Variants in CDK19 observed in about 807,000 individuals in gnomAD.
The protein encoded by CDK19 is cyclin-dependent kinase 19.
In CDK19, 20 loss-of-function variants were observed where a neutral mutation model predicts 68.3. That is an observed-to-expected ratio of 0.29 (90% CI 0.21 to 0.43). CDK19 has a LOEUF of 0.43. Ranked by LOEUF, CDK19 falls within the 20% of genes least tolerant of loss-of-function variation. The pLI is 1.00. For missense variants in CDK19, 339 were observed against 623.5 expected, an observed-to-expected ratio of 0.54 and a Z score of 4.86; for synonymous variants, 221 against 222.8, an observed-to-expected ratio of 0.99 and a Z score of 0.07.
intron 2 of CDK19, among the ~76,000 whole-genome samples, chr6:110,672,445 C>T (rs1282182856): frequency 6.6e-6 from 1 of 152,164 alleles, no homozygotes; most frequent in Non-Finnish European, 1.5e-5. Context: ...GTTGATCCCA[C>T]TAGAATAAAT....
At chr6:110,660,430 G>A (rs1781548543) in intron 4 of CDK19, among the ~76,000 whole-genome samples, 1 of 152,204 alleles carries the variant, frequency 6.6e-6, no homozygotes, top group South Asian at 2.1e-4. Context: ...GCCATCTGTA[G>A]ACAGCTTAAG....
chr6:110,652,005 T>C (rs956769181), intron 4 of CDK19, among the ~76,000 whole-genome samples: 4 of 151,872 alleles, frequency 2.6e-5, no homozygotes, highest in African/African-American at 9.7e-5. Context: ...ACCCAGGACA[T>C]GGAGGTTGCA....
chr6:110,628,467 GA>G (rs1779229867), intron 6 of CDK19, among the ~76,000 whole-genome samples: 1 of 152,188 alleles, frequency 6.6e-6, no homozygotes. Context: ...GCAGTGTGAT[GA>G]AATCTCATGC....
At chr6:110,693,073 G>A (rs1364166101) in intron 2 of CDK19, among the ~76,000 whole-genome samples, 1 of 152,084 alleles carries the variant, frequency 6.6e-6, no homozygotes, top group Non-Finnish European at 1.5e-5. Flanking sequence ...GCAAAAGTGA[G>A]CAAAAGCGTT....
chr6:110,812,785 T>C (rs978196873), intron 1 of CDK19, among the ~76,000 whole-genome samples: 2 of 145,126 alleles, frequency 1.4e-5, no homozygotes, highest in Non-Finnish European at 3.0e-5. Context: ...TCCTTTACTA[T>C]GCAAATCTGC....
intron 1 of CDK19, among the ~76,000 whole-genome samples, chr6:110,779,093 G>A (rs1269819873): frequency 2.0e-5 from 3 of 152,130 alleles, no homozygotes; most frequent in African/African-American, 7.2e-5. Flanking sequence ...CTGTATCAGT[G>A]ATCTTTCTAA....
At chr6:110,735,353 A>G (rs1424942448) in intron 2 of CDK19, among the ~76,000 whole-genome samples, 1 of 152,176 alleles carries the variant, frequency 6.6e-6, no homozygotes, top group African/African-American at 2.4e-5. Flanking sequence ...CTCCCTTATA[A>G]TGTTACTAAT....
rs903812979 is a variant in CDK19, at chr6:110,611,047, C to A, written c.*3488G>T. ...AATTCTAAGTACTAAAGTTTCAAAA[C>A]CACAGAGATATAAAAATATACATAA... On this transcript the variant is annotated 3_prime_UTR_variant, in exon 13 of 13. Transcript: ENST00000368911. 6 of 152,174 alleles carry A rather than the reference C, an allele frequency of 3.9e-5. No individual in the cohort carries two copies. The highest frequency in any genetic ancestry group is 1.4e-4 in the African/African-American group (6 of 41,442). 9.4% of individuals were successfully genotyped at this position (152,174 alleles called of 1,614,324 possible).
intron 4 of CDK19, among the ~76,000 whole-genome samples, chr6:110,652,505 T>A (rs935896386): frequency 2.0e-5 from 3 of 152,250 alleles, no homozygotes; most frequent in Non-Finnish European, 2.9e-5. Context: ...TCTTATTTTT[T>A]AATTATTTTT....
At chr6:110,637,958 G>C (rs1267989671) in intron 5 of CDK19, among the ~76,000 whole-genome samples, 3 of 152,194 alleles carry the variant, frequency 2.0e-5, no homozygotes, top group African/African-American at 7.2e-5. Flanking sequence ...ACTCCAGCCT[G>C]GGCAACAGAG....
intron 5 of CDK19, among the ~76,000 whole-genome samples, chr6:110,637,775 T>C (rs1209042322): frequency 6.6e-6 from 1 of 151,986 alleles, no homozygotes; most frequent in Non-Finnish European, 1.5e-5. Context: ...AGGTCAGGAG[T>C]TCGAGACCAG....
Position 110,638,712 on chromosome 6 carries a change from A to G in CDK19, c.457-6T>C. ...ACTAGGATATTTGCTGGTTTCTAGAAATAAAAATAGAGCATTCAAATTACC... is the reference window on the plus strand; with the variant it reads ...ACTAGGATATTTGCTGGTTTCTAGAGATAAAAATAGAGCATTCAAATTACC... On this transcript the variant is annotated splice_polypyrimidine_tract_variant and splice_region_variant and intron_variant, in intron 4 of 12. Coordinates refer to ENST00000368911, the MANE Select transcript of CDK19 (RefSeq NM_015076.5). 6.6e-7 allele frequency: 1 copy of G among 1,518,948 alleles called. No homozygotes were observed. The highest frequency in any genetic ancestry group is 9.1e-7 in the Non-Finnish European group (1 of 1,095,724). The allele number at this position is 1,518,948 out of a possible 1,614,324, so 94.1% of individuals were successfully genotyped here.
intron 1 of CDK19, among the ~76,000 whole-genome samples, chr6:110,783,034 T>C (rs901805848): frequency 1.3e-5 from 2 of 152,218 alleles, no homozygotes; most frequent in Non-Finnish European, 2.9e-5. Flanking sequence ...ACACTATTCC[T>C]ACAGTCTGCG....
Position 110,710,955 on chromosome 6 carries a change from C to T in CDK19, c.204+35171G>A, listed in dbSNP as rs1205660106. Among the ~76,000 whole-genome samples the T allele has an allele frequency of 2.6e-5, 4 of 152,056 alleles. No homozygotes were observed. In the East Asian group the frequency reaches 5.8e-4, roughly 22 times the overall value. The stretch of plus-strand genomic sequence containing the variant: ...CAACAAAAAGGGCAGAGGGGTTAGC[C>T]GCAACTGATCTAATCTCATATCGTC... On this transcript the variant is annotated intron_variant, in intron 2 of 12. Coordinates refer to ENST00000368911, the MANE Select transcript of CDK19 (RefSeq NM_015076.5).
chr6:110,700,729 A>C (rs1160050822), intron 2 of CDK19: 3 of 187,596 alleles, frequency 1.6e-5, no homozygotes, highest in Non-Finnish European at 3.5e-5. Flanking sequence ...TCTGAAAATC[A>C]CTACAAGAAA....
At chr6:110,623,385 A>T (rs748567921) in intron 8 of CDK19, 23 bp from the exon 9 acceptor site, 1 of 1,609,692 alleles carries the variant, frequency 6.2e-7, no homozygotes, top group South Asian at 1.1e-5. Flanking sequence ...GCACAGTCAC[A>T]CATCACTGGG....
chr6:110,807,448 C>G (rs1782756622), intron 1 of CDK19, among the ~76,000 whole-genome samples: 1 of 152,082 alleles, frequency 6.6e-6, no homozygotes, highest in South Asian at 2.1e-4. Flanking sequence ...TTACGTTACA[C>G]TGGTGGTTTT....
In CDK19 at chr6:110,808,423, A is replaced by T. The variant is rs549990936; in HGVS notation, c.128+6586T>A. ...TATAAATAAAGGTCTACTGGAACACAGCCATCCTTATCCATACTGGTTTAC... is the reference window on the plus strand; with the variant it reads ...TATAAATAAAGGTCTACTGGAACACTGCCATCCTTATCCATACTGGTTTAC... On this transcript the variant is annotated intron_variant, in intron 1 of 12. Coordinates refer to ENST00000368911, the MANE Select transcript of CDK19 (RefSeq NM_015076.5). 2.6e-5 allele frequency among the ~76,000 whole-genome samples: 4 copies of T among 152,344 alleles called. No individual in the cohort carries two copies. In the East Asian group the frequency reaches 7.7e-4, roughly 29 times the overall value.
intron 1 of CDK19, among the ~76,000 whole-genome samples, chr6:110,811,881 ATTT>A (rs35714459): frequency 2.1e-5 from 3 of 141,908 alleles, no homozygotes; most frequent in Non-Finnish European, 4.6e-5. Context: ...TTTAAACCGG[ATTT>A]TTTTTTTTTT....
Sources: gnomAD v4.1 joint callset for allele counts (sites outside exome capture counted in the v4.1 genomes callset) on GRCh38, gnomAD v4.1.1 for gene constraint, MANE v1.5 for transcripts, NCBI Gene and HGNC (gene_info 2026-07-23, HGNC 2026-07-21) for gene names.